The following H3C6 variants were observed in gnomAD, a reference collection of about 807,000 sequenced individuals.
H3C6 encodes the protein histone H3.1.
H3C6 carries 17 observed loss-of-function variants against 8.0 expected under a neutral mutation model. The observed-to-expected ratio is 2.13, with a 90% CI of 1.46 to 3.19. H3C6 has a LOEUF of 3.19. H3C6 is among the 30% of genes most tolerant of loss of function. H3C6 has a pLI of 0.00. For synonymous variants in H3C6, 169 were observed against 78.0 expected (o/e 2.17, Z -6.15); for missense variants, 298 against 193.8 (o/e 1.54, Z -3.19).
rs778404674 is a variant in H3C6 at position 26,225,270 on chromosome 6, C to T, written c.116C>T (p.Pro39Leu). 3.1e-6 allele frequency: 5 copies of T among 1,614,108 alleles called. No individual in the cohort carries two copies. The highest frequency in any genetic ancestry group is 4.2e-6 in the Non-Finnish European group (5 of 1,179,968). The change falls in exon 1 of 1, where the codon CCC (proline) becomes CTC (leucine). Residue 39 changes from proline to leucine, a missense_variant. By Grantham distance (98) the Pro-to-Leu change is moderately conservative. Coordinates refer to ENST00000614911, the MANE Select transcript of H3C6 (RefSeq NM_003532.3). ...SAPATGGVKK[P>L]HRYRPGTVAL... ...CCGGCCACGGGCGGCGTGAAGAAGC[C>T]CCATCGCTACCGCCCTGGCACCGTG... is the stretch of plus-strand genomic sequence containing the variant.
Position 26,225,430 on chromosome 6 carries a change from G to T in H3C6, c.276G>T (p.Ala92=). 6.2e-7 allele frequency: 1 copy of T among 1,614,242 alleles called. No homozygotes were observed. Among genetic ancestry groups the T allele is most frequent in the Non-Finnish European group, 8.5e-7 (1 of 1,180,044 alleles). The stretch of plus-strand genomic sequence containing the variant: ...GCTTCCAGAGTTCCGCGGTGATGGC[G>T]CTGCAGGAGGCCTGCGAGGCCTACT... ...DLRFQSSAVM[A]LQEACEAYLV... Residue 92 remains alanine (A), a synonymous_variant, in exon 1 of 1, where the codon GCG becomes GCT. Transcript: ENST00000614911.
upstream of H3C6, chr6:26,224,964 A>C: frequency 1.7e-6 from 1 of 577,728 alleles, no homozygotes; most frequent in Non-Finnish European, 2.9e-6. Flanking sequence ...TGAAAGAGCC[A>C]GTTCTCTATC....
At position 26,225,304 on chromosome 6, in the gene H3C6, C is replaced by G. The variant is rs1429463402; in HGVS notation, c.150C>G (p.Arg50=). 5 of 1,614,110 alleles carry G rather than the reference C, an allele frequency of 3.1e-6. No individual in the cohort carries two copies. The highest frequency in any genetic ancestry group is 4.2e-6 in the Non-Finnish European group (5 of 1,180,030). ...HRYRPGTVAL[R]EIRRYQKSTE... ...ACCGCCCTGGCACCGTGGCTCTGCG[C>G]GAGATCCGTCGCTACCAGAAGTCTA... Residue 50 remains arginine (R), a synonymous_variant, in exon 1 of 1, where the codon CGC becomes CGG. Coordinates refer to ENST00000614911, the MANE Select transcript of H3C6 (RefSeq NM_003532.3).
rs1209747808 is a variant in H3C6 at position 26,225,505 on chromosome 6, C to T, written c.351C>T (p.Arg117=). 5 of 1,614,224 alleles carry T rather than the reference C, an allele frequency of 3.1e-6. No homozygotes were observed. The highest frequency in any genetic ancestry group is 1.3e-5 in the African/African-American group (1 of 75,058). Residue 117 remains arginine, a synonymous_variant, in exon 1 of 1, where the codon CGC becomes CGT. Transcript: ENST00000614911. The part of the protein sequence containing the change: ...DTNLCAIHAK[R]VTIMPKDIQL... Reference sequence around the variant, plus strand: ...ACCTGTGCGCTATTCATGCCAAACGCGTGACCATCATGCCTAAAGACATCC... The same window carrying T: ...ACCTGTGCGCTATTCATGCCAAACGTGTGACCATCATGCCTAAAGACATCC...
chr6:26,225,159 C>T lies in H3C6; in HGVS notation c.5C>T (p.Ala2Val), dbSNP rs776406667. The T allele has an allele frequency of 1.0e-5, 16 of 1,553,494 alleles. No homozygotes were observed. Among genetic ancestry groups the T allele is most frequent in the Admixed American group, 4.0e-5 (2 of 49,684 alleles). ...CATTTACTTTGCAGATGAACTATGG[C>T]GCGTACTAAGCAGACGGCTCGTAAA... M[A>V]RTKQTARKST... The change falls in exon 1 of 1, where the codon GCG becomes GTG. Residue 2 changes from alanine (A) to valine (V), a missense_variant. Transcript: ENST00000614911.
Position 26,225,557 on chromosome 6 carries a change from A to G in H3C6, c.403A>G (p.Arg135Gly). The change falls in exon 1 of 1, where the codon AGG (arginine) becomes GGG (glycine). Residue 135 changes from arginine to glycine, a missense_variant. Arg to Gly is a moderately radical substitution (Grantham distance 125, BLOSUM62 -2). Transcript: ENST00000614911. The stretch of plus-strand genomic sequence containing the variant: ...GCTTGCCCGCCGCATTCGTGGGGAG[A>G]GGGCGTGAATTGTTTTGAGTACAAA... ...IQLARRIRGE[R>G]A 1 of 1,613,230 alleles carries G rather than the reference A, an allele frequency of 6.2e-7. No homozygotes were observed. The highest frequency in any genetic ancestry group is 8.5e-7 in the Non-Finnish European group (1 of 1,179,518).
In H3C6 at chr6:26,225,192, G is replaced by A; in HGVS notation, c.38G>A (p.Gly13Asp). 1 of 1,589,932 alleles carries A rather than the reference G, an allele frequency of 6.3e-7. No homozygotes were observed. Among genetic ancestry groups the A allele is most frequent in the Non-Finnish European group, 8.6e-7 (1 of 1,169,078 alleles). ...AAGCAGACGGCTCGTAAATCCACAG[G>A]CGGTAAAGCACCGCGCAAACAGCTG... ...RTKQTARKSTGGKAPRKQLAT... is the reference protein window; with the variant it reads ...RTKQTARKSTDGKAPRKQLAT... The change falls in exon 1 of 1, where the codon GGC becomes GAC. Residue 13 changes from glycine to aspartate, a missense_variant. Coordinates refer to ENST00000614911, the MANE Select transcript of H3C6 (RefSeq NM_003532.3).
chr6:26,225,423 T>A lies in H3C6; in HGVS notation c.269T>A (p.Val90Glu), dbSNP rs1765612044. The change falls in exon 1 of 1, where the codon GTG becomes GAG. Residue 90 changes from valine to glutamate, a missense_variant. Val to Glu is a moderately radical substitution (Grantham distance 121). Transcript: ENST00000614911. ...KTDLRFQSSA[V>E]MALQEACEAY... is the part of the protein sequence containing the mutation. Reference sequence around the variant, plus strand: ...GACCTGCGCTTCCAGAGTTCCGCGGTGATGGCGCTGCAGGAGGCCTGCGAG... The same window carrying A: ...GACCTGCGCTTCCAGAGTTCCGCGGAGATGGCGCTGCAGGAGGCCTGCGAG... 4 of 1,614,120 alleles carry A rather than the reference T, an allele frequency of 2.5e-6. No individual in the cohort carries two copies. Among genetic ancestry groups the A allele is most frequent in the African/African-American group, 1.3e-5 (1 of 74,944 alleles).
chr6:26,224,505 T>C (rs1219528399), upstream of H3C6, among the ~76,000 whole-genome samples: 1 of 152,268 alleles, frequency 6.6e-6, no homozygotes, highest in Non-Finnish European at 1.5e-5. Context: ...CCATTATGTC[T>C]GGACGTTTTA....
upstream of H3C6, chr6:26,224,347 A>C (rs1765581792): frequency 1.3e-5 from 2 of 152,196 alleles, no homozygotes; most frequent in African/African-American, 4.8e-5. Flanking sequence ...ATGTGTCTTA[A>C]ATTGTTCGGT....
chr6:26,225,311 C>G lies in H3C6; in HGVS notation c.157C>G (p.Arg53Gly). ...RPGTVALREIRRYQKSTELLI... is the reference protein window; with the variant it reads ...RPGTVALREIGRYQKSTELLI... ...TGGCACCGTGGCTCTGCGCGAGATC[C>G]GTCGCTACCAGAAGTCTACCGAGCT... Residue 53 changes from arginine (R) to glycine (G), a missense_variant, in exon 1 of 1, where the codon CGT becomes GGT. Transcript: ENST00000614911. 1.2e-6 allele frequency: 2 copies of G among 1,614,210 alleles called. No individual in the cohort carries two copies. Among genetic ancestry groups the G allele is most frequent in the Non-Finnish European group, 1.7e-6 (2 of 1,180,024 alleles).
At chr6:26,226,702 C>A (rs1343974979), downstream of H3C6, 1 of 152,188 alleles carries the variant, frequency 6.6e-6, no homozygotes. Context: ...TTCTGCCTTT[C>A]CTTTCCATAC....
chr6:26,225,679 C>G (rs1759529733), downstream of H3C6: 3 of 1,233,792 alleles, frequency 2.4e-6, no homozygotes, highest in Non-Finnish European at 3.4e-6. Flanking sequence ...TGCACTGATC[C>G]AAATAGACAT....
chr6:26,226,361 C>T (rs923700562), downstream of H3C6: 14 of 146,532 alleles, frequency 9.6e-5, no homozygotes, highest in South Asian at 1.3e-3. Context: ...TTTTTCTTTT[C>T]TTATTTATTT....
rs770824353 is a variant in H3C6, at chr6:26,225,391, C to A, written c.237C>A (p.Phe79Leu). The change falls in exon 1 of 1, where the codon TTC becomes TTA. Residue 79 changes from phenylalanine to leucine, a missense_variant. Phe to Leu is a conservative substitution (Grantham distance 22). Transcript: ENST00000614911. ...QRLVREIAQD[F>L]KTDLRFQSSA... ...TGGTGCGAGAAATAGCTCAGGACTTCAAGACCGACCTGCGCTTCCAGAGTT... is the reference window on the plus strand; with the variant it reads ...TGGTGCGAGAAATAGCTCAGGACTTAAAGACCGACCTGCGCTTCCAGAGTT... The A allele has an allele frequency of 1.5e-5, 24 of 1,614,128 alleles. No individual in the cohort carries two copies. The highest frequency in any genetic ancestry group is 2.2e-5 in the South Asian group (2 of 91,092).
At chr6:26,226,353 TTTC>T (rs1291830477), downstream of H3C6, 1 of 147,558 alleles carries the variant, frequency 6.8e-6, no homozygotes, top group Non-Finnish European at 1.5e-5. Context: ...TGTTTGCTTT[TTTC>T]TTTTCTTATT....
chr6:26,225,619 T>G (rs1052302516), downstream of H3C6: 1 of 1,559,696 alleles, frequency 6.4e-7, no homozygotes, highest in Non-Finnish European at 8.7e-7. Flanking sequence ...GCCAACCACT[T>G]TGTCCGTGAA....
upstream of H3C6, chr6:26,224,905 A>T (rs774762443): frequency 5.7e-5 from 21 of 367,380 alleles, no homozygotes; most frequent in Non-Finnish European, 9.8e-5. Flanking sequence ...TTTGCAGGTC[A>T]TGGTCTACGT....
chr6:26,225,677 T>C (rs1759529671), downstream of H3C6: 3 of 1,254,982 alleles, frequency 2.4e-6, no homozygotes, highest in East Asian at 4.7e-5. Flanking sequence ...ACTGCACTGA[T>C]CCAAATAGAC....
Sources: allele counts gnomAD v4.1 joint callset (sites outside exome capture counted in the v4.1 genomes callset), GRCh38; gene constraint gnomAD v4.1.1; transcripts MANE v1.5; gene names NCBI Gene and HGNC (gene_info 2026-07-23, HGNC 2026-07-21).